Variants in MICALL1 observed in about 807,000 individuals in gnomAD.
MICALL1 encodes MICAL-like protein 1.
MICALL1 carries 61 observed loss-of-function variants against 83.7 expected under a neutral mutation model. That is an observed-to-expected ratio of 0.73 (90% CI 0.59 to 0.90). The LOEUF (loss-of-function observed/expected upper bound fraction) is 0.90, where lower values mean the gene tolerates loss of function less well. Ranked by LOEUF, MICALL1 falls within the 40% of genes least tolerant of loss-of-function variation. MICALL1 has a pLI of 0.00. For synonymous variants in MICALL1, 481 were observed against 473.6 expected (o/e 1.02, Z -0.20); for missense variants, 1,066 against 1,152.0 (o/e 0.93, Z 1.08).
chr22:37,910,904 A>G (rs974456215), intron 1 of MICALL1, among the ~76,000 whole-genome samples: 1 of 152,232 alleles, frequency 6.6e-6, no homozygotes, highest in African/African-American at 2.4e-5. Context: ...CCCCATGGTC[A>G]CATGGGAATT....
chr22:37,920,394 G>T (rs1263924093), intron 5 of MICALL1, among the ~76,000 whole-genome samples: 1 of 151,958 alleles, frequency 6.6e-6, no homozygotes, highest in African/African-American at 2.4e-5. Flanking sequence ...CGCAGAATTG[G>T]GGTGTCATGG....
At chr22:37,936,138 C>G (rs1170810814) in intron 13 of MICALL1, among the ~76,000 whole-genome samples, 2 of 152,172 alleles carry the variant, frequency 1.3e-5, no homozygotes, top group African/African-American at 4.8e-5. Context: ...GGGGGAAATA[C>G]TAGGGCCCCA....
chr22:37,928,798 A>C (rs1000828434), intron 9 of MICALL1, among the ~76,000 whole-genome samples: 3 of 152,120 alleles, frequency 2.0e-5, no homozygotes, highest in African/African-American at 7.2e-5. Context: ...CTCAGGCTCT[A>C]CTGATGCCAG....
chr22:37,937,493 G>A (rs139748664), intron 14 of MICALL1, among the ~76,000 whole-genome samples: 20 of 141,876 alleles, frequency 1.4e-4, no homozygotes, highest in Admixed American at 1.0e-3. Context: ...GCATAACCTC[G>A]GCTCACTACA....
chr22:37,910,286 G>T (rs1928235906), intron 1 of MICALL1, among the ~76,000 whole-genome samples: 1 of 152,202 alleles, frequency 6.6e-6, no homozygotes, highest in South Asian at 2.1e-4. Flanking sequence ...TTGGGGAACT[G>T]TGTAGGGAGT....
In MICALL1 at chr22:37,925,740, C is replaced by G. The variant is rs761722208; in HGVS notation, c.1162C>G (p.Pro388Ala). 171 of 1,612,342 alleles carry G rather than the reference C, an allele frequency of 1.1e-4. No homozygotes were observed. The highest frequency in any genetic ancestry group is 1.4e-4 in the Non-Finnish European group (163 of 1,179,858). The change falls in exon 8 of 16, where the codon CCA becomes GCA. Residue 388 changes from proline to alanine, a missense_variant. Coordinates refer to ENST00000215957, the MANE Select transcript of MICALL1 (RefSeq NM_033386.4). ...AAAGAAGAAGCCAGCCCCACTTCCC[C>G]CAAGCAGCAGCCCGGGGCCACCAAG... Reference protein sequence around the residue: ...EPKKKPAPLPPSSSPGPPSQD... With the variant: ...EPKKKPAPLPASSSPGPPSQD...
At position 37,930,823 on chromosome 22, in the gene MICALL1, C is replaced by T. The variant is rs1385236187; in HGVS notation, c.1882-976C>T. 6.6e-6 allele frequency among the ~76,000 whole-genome samples: 1 copy of T among 152,216 alleles called. No individual in the cohort carries two copies. The highest frequency in any genetic ancestry group is 1.9e-4 in the East Asian group (1 of 5,198). ...CAGGGAGGGAGGTACCCTCTGACTC[C>T]ATCTGCTGGTCAAACACTTCCTGGC... On this transcript the variant is annotated intron_variant, in intron 9 of 15. Coordinates refer to ENST00000215957, the MANE Select transcript of MICALL1 (RefSeq NM_033386.4). This position sits in a 1 kb window ranked among gnomAD's most constrained non-coding sequence, Gnocchi z 4.8.
At position 37,927,826 on chromosome 22, in the gene MICALL1, G is replaced by T. The variant is rs992956877; in HGVS notation, c.1881G>T (p.Lys627Asn). 1.2e-6 allele frequency: 2 copies of T among 1,602,096 alleles called. No individual in the cohort carries two copies. Among genetic ancestry groups the T allele is most frequent in the Non-Finnish European group, 1.7e-6 (2 of 1,172,922 alleles). The change falls in exon 9 of 16, where the codon AAG becomes AAT. Residue 627 changes from lysine to asparagine, a missense_variant and splice_region_variant. Transcript: ENST00000215957. ...GCTCGTCCCCACAGCTGCAGGTAAA[G>T]GTGAGTGCCCCCTCACCCTCACTAA... ...PGSSSPQLQV[K>N]SSCKENPFNR...
intron 3 of MICALL1, among the ~76,000 whole-genome samples, chr22:37,914,726 A>C (rs902944046): frequency 1.3e-5 from 2 of 151,546 alleles, no homozygotes; most frequent in Non-Finnish European, 2.9e-5. Context: ...ATGCGTCCTC[A>C]ACCTTCCTGG....
rs367582319 is a variant in MICALL1 at position 37,912,510 on chromosome 22, C to A, written c.337+18C>A. 1.9e-6 allele frequency: 3 copies of A among 1,577,202 alleles called. No homozygotes were observed. The highest frequency in any genetic ancestry group is 2.6e-6 in the Non-Finnish European group (3 of 1,154,520). On this transcript the variant is annotated intron_variant, in intron 3 of 15. Coordinates refer to ENST00000215957, the MANE Select transcript of MICALL1 (RefSeq NM_033386.4). ...TGGCCAAGGTGAGAGGGGGACTCAG[C>A]GTTTCACGGAGGCTGGCCCAGGGGG...
At chr22:37,935,729 CTTTT>C (rs558695275) in intron 13 of MICALL1, among the ~76,000 whole-genome samples, 4 of 126,320 alleles carry the variant, frequency 3.2e-5, no homozygotes, top group African/African-American at 2.9e-5. Flanking sequence ...AGGATATTTA[CTTTT>C]TTTTTTTTTT....
Position 37,932,850 on chromosome 22 carries a change from G to A in MICALL1, c.2196G>A (p.Lys732=), listed in dbSNP as rs1381418926. 6.2e-7 allele frequency: 1 copy of A among 1,614,140 alleles called. No individual in the cohort carries two copies. Among genetic ancestry groups the A allele is most frequent in the East Asian group, 2.2e-5 (1 of 44,868 alleles). Residue 732 remains lysine (K), a synonymous_variant, in exon 12 of 16, where the codon AAG becomes AAA. Coordinates refer to ENST00000215957, the MANE Select transcript of MICALL1 (RefSeq NM_033386.4). This position sits in a 1 kb window ranked among gnomAD's most constrained non-coding sequence, Gnocchi z 4.4. ...ACTGGTTCAAGCTCATCCACGAGAA[G>A]CACCTACTGGTGCGGCGAGAGTCCG... ...LVDWFKLIHE[K]HLLVRRESEL... is the part of the protein sequence containing the mutation.
At chr22:37,936,886 C>T (rs542141299) in intron 13 of MICALL1, among the ~76,000 whole-genome samples, 194 bp from the exon 14 acceptor site, 4 of 150,452 alleles carry the variant, frequency 2.7e-5, no homozygotes, top group South Asian at 2.1e-4. Context: ...AGTGAGACTC[C>T]GTCTCAAAAA....
rs1220499794 is a variant in MICALL1, at chr22:37,941,027, G to C, written c.*197G>C. 1.6e-6 allele frequency: 1 copy of C among 619,862 alleles called. No homozygotes were observed. 38.4% of individuals were successfully genotyped at this position (619,862 alleles called of 1,614,324 possible). A position where few individuals can be genotyped will look rare whatever the true frequency, so the allele number is the denominator to read the frequency against. On this transcript the variant is annotated 3_prime_UTR_variant, in exon 16 of 16. Transcript: ENST00000215957. ...CCAAAGAATCTCTTGTTTCTTCTCCGAGCCCCAGGCAGCGGTGATTCAGCC... is the reference window on the plus strand; with the variant it reads ...CCAAAGAATCTCTTGTTTCTTCTCCCAGCCCCAGGCAGCGGTGATTCAGCC...
intron 9 of MICALL1, 116 bp downstream of exon 9, chr22:37,927,942 C>G: frequency 8.7e-7 from 1 of 1,144,876 alleles, no homozygotes; most frequent in Non-Finnish European, 1.2e-6. Flanking sequence ...GAGTCTCTCT[C>G]TGTCACCCAG....
At position 37,935,636 on chromosome 22, in the gene MICALL1, T is replaced by A. The variant is rs143380165; in HGVS notation, c.2309-1444T>A. On this transcript the variant is annotated intron_variant, in intron 13 of 15. Coordinates refer to ENST00000215957, the MANE Select transcript of MICALL1 (RefSeq NM_033386.4). ...GGCGTGAACTCAGCTCACTGCAACCTCCGCCTCCCAGGTTCAAGCGATTTT... is the reference window on the plus strand; with the variant it reads ...GGCGTGAACTCAGCTCACTGCAACCACCGCCTCCCAGGTTCAAGCGATTTT... Among the ~76,000 whole-genome samples the A allele has an allele frequency of 8.8e-3, 1,329 of 151,142 alleles. 24 individuals are homozygous for A. The highest frequency in any genetic ancestry group is 0.031 in the African/African-American group (1,285 of 41,012).
At chr22:37,919,483 A>T (rs1015263957) in intron 5 of MICALL1, among the ~76,000 whole-genome samples, 1 of 152,100 alleles carries the variant, frequency 6.6e-6, no homozygotes, top group African/African-American at 2.4e-5. Context: ...AAAGCCATTG[A>T]AAATTAGCCG....
chr22:37,923,453 C>A (rs1929224458), intron 6 of MICALL1, among the ~76,000 whole-genome samples: 1 of 152,172 alleles, frequency 6.6e-6, no homozygotes, highest in African/African-American at 2.4e-5. Flanking sequence ...GTCTCGAACT[C>A]CTGACTTCAG....
At chr22:37,917,582 C>A in intron 3 of MICALL1, 125 bp from the exon 4 acceptor site, 1 of 802,210 alleles carries the variant, frequency 1.2e-6, no homozygotes, top group Non-Finnish European at 2.1e-6. Context: ...CAGCTCCTGT[C>A]CCACTGCATT....
Sources: allele counts gnomAD v4.1 joint callset (sites outside exome capture counted in the v4.1 genomes callset), GRCh38; gene constraint gnomAD v4.1.1; non-coding constraint Gnocchi (gnomAD v3.1); transcripts MANE v1.5; gene names NCBI Gene and HGNC (gene_info 2026-07-23, HGNC 2026-07-21).